Variants in ZNF638 observed in about 807,000 individuals in gnomAD.
ZNF638 encodes CTCL tumor antigen se33-1.
A neutral mutation model predicts 195.6 loss-of-function variants in ZNF638; 46 were observed. The observed-to-expected ratio is 0.24, with a 90% CI of 0.19 to 0.30. The LOEUF is 0.30. ZNF638 is among the 10% of genes least tolerant of loss of function. The probability of loss-of-function intolerance (pLI) is 1.00; values close to 1 mark genes in which losing one functional copy is unlikely to be tolerated. For missense variants in ZNF638, 2,440 were observed against 2,325.3 expected, an observed-to-expected ratio of 1.05 and a Z score of -1.01; for synonymous variants, 845 against 772.0, an observed-to-expected ratio of 1.09 and a Z score of -1.57.
Position 71,348,872 on chromosome 2 carries a change from C to T in ZNF638, c.-83C>T, listed in dbSNP as rs755941116. On this transcript the variant is annotated 5_prime_UTR_variant, in exon 2 of 28. Coordinates refer to ENST00000264447, the MANE Select transcript of ZNF638 (RefSeq NM_014497.5). Reference sequence around the variant, plus strand: ...TTTGCTCAGATTAAGACTCAGTTGGCGCTTCAGCAGCTGAATGCCGTTGCC... The same window carrying T: ...TTTGCTCAGATTAAGACTCAGTTGGTGCTTCAGCAGCTGAATGCCGTTGCC... 3.5e-4 allele frequency: 562 copies of T among 1,612,786 alleles called. 2 individuals are homozygous for T. Among genetic ancestry groups the T allele is most frequent in the Non-Finnish European group, 2.8e-4 (333 of 1,179,906 alleles).
At chr2:71,429,840 T>G (rs1573178996) in intron 25 of ZNF638, among the ~76,000 whole-genome samples, 1 of 152,252 alleles carries the variant, frequency 6.6e-6, no homozygotes, top group East Asian at 1.9e-4. Flanking sequence ...TTATGCCCTC[T>G]CTTGAAACTC....
At chr2:71,406,411 T>G in intron 19 of ZNF638, 149 bp downstream of exon 19, 1 of 728,758 alleles carries the variant, frequency 1.4e-6, no homozygotes, top group Non-Finnish European at 2.2e-6. Flanking sequence ...ATATTTTATT[T>G]TGGACTGGGC....
chr2:71,408,082 T>G, intron 19 of ZNF638, 40 bp from the exon 20 acceptor site: 1 of 1,581,548 alleles, frequency 6.3e-7, no homozygotes, highest in Non-Finnish European at 8.6e-7. Context: ...ATTCCAATTT[T>G]TTTAAAGAAC....
rs746964174 is a variant in ZNF638 at position 71,422,980 on chromosome 2, T to C, written c.3466T>C (p.Cys1156Arg). 1.9e-6 allele frequency: 3 copies of C among 1,613,982 alleles called. No homozygotes were observed. In the African/African-American group the frequency reaches 4.0e-5, roughly 22 times the overall value. The change falls in exon 22 of 28, where the codon TGT becomes CGT. Residue 1156 changes from cysteine (C) to arginine (R), a missense_variant. Around this residue, in one of 5 missense-constraint regions of ZNF638, gnomAD observed 1,883 missense variants for 1,739.1 expected, o/e 1.08. Transcript: ENST00000264447. ...PCEEEAEKAT[C>R]DSDFAVETLE... ...TGAGGAAGAAGCTGAAAAAGCAACA[T>C]GTGATTCTGACTTTGCTGTTGAAAC... is the stretch of plus-strand genomic sequence containing the variant.
chr2:71,338,097 G>C (rs2078702213), intron 1 of ZNF638, among the ~76,000 whole-genome samples: 1 of 152,084 alleles, frequency 6.6e-6, no homozygotes, highest in South Asian at 2.1e-4. Context: ...ATGATACTAT[G>C]TGTGAGCATA....
chr2:71,362,424 G>A (rs928814958), intron 3 of ZNF638, among the ~76,000 whole-genome samples: 4 of 151,980 alleles, frequency 2.6e-5, no homozygotes, highest in African/African-American at 9.7e-5. Context: ...TCTTACAAAT[G>A]TTCGTTAAGT....
At chr2:71,348,483 A>G (rs1336867849) in intron 1 of ZNF638, 39 of 1,034,088 alleles carry the variant, frequency 3.8e-5, no homozygotes, top group Admixed American at 5.1e-5. Flanking sequence ...AAGGAGTTGT[A>G]ATTACTGCTC....
intron 26 of ZNF638, among the ~76,000 whole-genome samples, chr2:71,432,507 A>G (rs930958271): frequency 2.0e-5 from 3 of 152,160 alleles, no homozygotes; most frequent in Non-Finnish European, 2.9e-5. Flanking sequence ...AGCCAGAGGT[A>G]TATTTTAGAC....
chr2:71,377,851 GT>G (rs1201811650), intron 8 of ZNF638, among the ~76,000 whole-genome samples: 2 of 152,186 alleles, frequency 1.3e-5, no homozygotes, highest in African/African-American at 2.4e-5. Context: ...GCAGAAAACA[GT>G]TTAACTATAC....
At chr2:71,399,829 C>A (rs531356712) in intron 13 of ZNF638, among the ~76,000 whole-genome samples, 184 bp downstream of exon 13, 45 of 152,254 alleles carry the variant, frequency 3.0e-4, no homozygotes, top group African/African-American at 1.1e-3. Flanking sequence ...TGATCCTCTC[C>A]TTCGTCCCAT....
intron 10 of ZNF638, chr2:71,393,389 C>G: frequency 1.4e-6 from 1 of 718,442 alleles, no homozygotes; most frequent in Non-Finnish European, 2.6e-6. Context: ...TCACACCCCC[C>G]TCAGGCCCTC....
At chr2:71,336,713 A>T (rs2078677381) in intron 1 of ZNF638, among the ~76,000 whole-genome samples, 1 of 152,188 alleles carries the variant, frequency 6.6e-6, no homozygotes, top group Non-Finnish European at 1.5e-5. Context: ...ATTGTTAGCA[A>T]GCAGTGGGAC....
Position 71,424,162 on chromosome 2 carries a change from C to T in ZNF638, c.4524+124C>T, listed in dbSNP as rs946151941. On this transcript the variant is annotated intron_variant, in intron 22 of 27. Transcript: ENST00000264447. ...ATCTCCTCACTCTACCCCGGAAGCT[C>T]CCATTTCCTTTTCTTAAATGATTCC... 13 of 1,302,084 alleles carry T rather than the reference C, an allele frequency of 1.0e-5. No individual in the cohort carries two copies. In the African/African-American group the frequency reaches 1.8e-4, roughly 18 times the overall value. 80.7% of individuals were successfully genotyped at this position (1,302,084 alleles called of 1,614,324 possible). A position where few individuals can be genotyped will look rare whatever the true frequency, so the allele number is the denominator to read the frequency against.
chr2:71,336,572 T>G (rs1391371928), intron 1 of ZNF638, among the ~76,000 whole-genome samples: 1 of 152,160 alleles, frequency 6.6e-6, no homozygotes, highest in East Asian at 1.9e-4. Context: ...TGTTGAGCAT[T>G]TTTTGAGCAC....
Position 71,350,022 on chromosome 2 carries a change from G to A in ZNF638, c.1068G>A (p.Val356=). ...SQQERIPHEP[V]INSSNVHVGS... is the part of the protein sequence containing the mutation. ...AAGAGCGGATCCCACATGAACCTGT[G>A]ATTAATTCATCTAACGTACATGTTG... Residue 356 remains valine (V), a synonymous_variant, in exon 2 of 28, where the codon GTG becomes GTA. Coordinates refer to ENST00000264447, the MANE Select transcript of ZNF638 (RefSeq NM_014497.5). 1 of 1,614,186 alleles carries A rather than the reference G, an allele frequency of 6.2e-7. No homozygotes were observed. The highest frequency in any genetic ancestry group is 8.5e-7 in the Non-Finnish European group (1 of 1,180,032).
chr2:71,354,858 G>C (rs1357809781), intron 2 of ZNF638, among the ~76,000 whole-genome samples: 1 of 151,904 alleles, frequency 6.6e-6, no homozygotes, highest in African/African-American at 2.4e-5. Context: ...AAATAGATTT[G>C]ATCAGTAGCA....
intron 1 of ZNF638, among the ~76,000 whole-genome samples, chr2:71,337,312 A>G (rs2078687269): frequency 6.6e-6 from 1 of 152,128 alleles, no homozygotes; most frequent in African/African-American, 2.4e-5. Flanking sequence ...TAAGTTGCAT[A>G]TATTGTGGTC....
rs374605552 is a variant in ZNF638, at chr2:71,396,408, T to C, written c.2428+217T>C. Reference sequence around the variant, plus strand: ...GAAATAATTAACTGGAGAAATTTCTTATGATGAGTATCACATATTTTCCTC... The same window carrying C: ...GAAATAATTAACTGGAGAAATTTCTCATGATGAGTATCACATATTTTCCTC... On this transcript the variant is annotated intron_variant, in intron 11 of 27. Transcript: ENST00000264447. Among the ~76,000 whole-genome samples the C allele has an allele frequency of 3.9e-5, 6 of 152,214 alleles. No homozygotes were observed. In the South Asian group the frequency reaches 8.3e-4, roughly 21 times the overall value.
rs369947933 is a variant in ZNF638 at position 71,343,228 on chromosome 2, C to T, written c.-202-5525C>T. 5.9e-5 allele frequency among the ~76,000 whole-genome samples: 9 copies of T among 151,994 alleles called. No homozygotes were observed. The South Asian group carries it at 1.0e-3, about 17-fold the overall frequency. ...ATTGTTGGCACTTTGGCTATAGGAA[C>T]GCAACTGTATTTTATTTGGCTTTGA... On this transcript the variant is annotated intron_variant, in intron 1 of 27. Coordinates refer to ENST00000264447, the MANE Select transcript of ZNF638 (RefSeq NM_014497.5).
Sources: gnomAD v4.1 joint callset for allele counts (sites outside exome capture counted in the v4.1 genomes callset) on GRCh38, gnomAD v4.1.1 for gene constraint, gnomAD v4.1.1 regional missense constraint, MANE v1.5 for transcripts, NCBI Gene and HGNC (gene_info 2026-07-23, HGNC 2026-07-21) for gene names.